Variants in MGMT observed in about 807,000 individuals in gnomAD.
MGMT encodes the protein methylated-DNA--protein-cysteine methyltransferase.
MGMT carries 14 observed loss-of-function variants against 15.9 expected under a neutral mutation model. The observed-to-expected ratio is 0.88, with a 90% CI of 0.58 to 1.37. The LOEUF is 1.37. Ranked by LOEUF, MGMT falls within the 40% of genes most tolerant of loss-of-function variation. The probability of loss-of-function intolerance (pLI) is 0.00; values close to 1 mark genes in which losing one functional copy is unlikely to be tolerated. For synonymous variants in MGMT, 130 were observed against 118.2 expected (o/e 1.10, Z -0.65); for missense variants, 282 against 268.1 (o/e 1.05, Z -0.36).
At chr10:129,704,673 C>T (rs1218383645) in intron 2 of MGMT, among the ~76,000 whole-genome samples, 1 of 152,108 alleles carries the variant, frequency 6.6e-6, no homozygotes, top group Admixed American at 6.6e-5. Context: ...CTGGCTCCTT[C>T]CTTAAAACCG....
chr10:129,541,307 GC>G (rs1200781204), intron 2 of MGMT, among the ~76,000 whole-genome samples: 6 of 152,334 alleles, frequency 3.9e-5, no homozygotes, highest in African/African-American at 1.4e-4. Context: ...TTTCATAACT[GC>G]CTGACAGTAT....
intron 2 of MGMT, among the ~76,000 whole-genome samples, chr10:129,587,915 A>ATAT (rs1261856791): frequency 2.0e-5 from 3 of 152,132 alleles, no homozygotes; most frequent in African/African-American, 7.2e-5. Flanking sequence ...TGGATGCTTT[A>ATAT]TATGCAAATG....
At chr10:129,614,892 G>A (rs1031152030) in intron 2 of MGMT, among the ~76,000 whole-genome samples, 4 of 152,182 alleles carry the variant, frequency 2.6e-5, no homozygotes. Context: ...GGTGCCGAGC[G>A]CTCCCTCGTC....
At chr10:129,596,152 A>G (rs1222289788) in intron 2 of MGMT, among the ~76,000 whole-genome samples, 1 of 150,890 alleles carries the variant, frequency 6.6e-6, no homozygotes, top group South Asian at 2.1e-4. Flanking sequence ...AAATTTTGAC[A>G]TTATGTGAGT....
chr10:129,587,193 T>C (rs1249567643), intron 2 of MGMT, among the ~76,000 whole-genome samples: 1 of 152,018 alleles, frequency 6.6e-6, no homozygotes, highest in African/African-American at 2.4e-5. Context: ...ATCTGGCTCA[T>C]TTTTTGGGTT....
At chr10:129,750,691 C>G (rs988995544) in intron 3 of MGMT, among the ~76,000 whole-genome samples, 8 of 152,144 alleles carry the variant, frequency 5.3e-5, no homozygotes, top group Admixed American at 5.2e-4. Flanking sequence ...CATTTTATAT[C>G]AGGAACTTAA....
chr10:129,757,507 A>G (rs1232345836), intron 3 of MGMT, among the ~76,000 whole-genome samples: 1 of 152,218 alleles, frequency 6.6e-6, no homozygotes, highest in East Asian at 1.9e-4. Context: ...TTCGCCGAGG[A>G]AGGCAGGAAA....
intron 2 of MGMT, among the ~76,000 whole-genome samples, chr10:129,624,316 G>A (rs1459607298): frequency 1.3e-5 from 2 of 152,198 alleles, no homozygotes; most frequent in African/African-American, 4.8e-5. Flanking sequence ...AGCTTTGGGA[G>A]TGGGGCCCAC....
At chr10:129,473,987 C>A (rs1199005865) in intron 1 of MGMT, among the ~76,000 whole-genome samples, 1 of 152,184 alleles carries the variant, frequency 6.6e-6, no homozygotes, top group Non-Finnish European at 1.5e-5. Context: ...TGCCTGATTC[C>A]CTCTGAAACA....
At chr10:129,577,594 C>A (rs1846500082) in intron 2 of MGMT, among the ~76,000 whole-genome samples, 1 of 152,150 alleles carries the variant, frequency 6.6e-6, no homozygotes, top group South Asian at 2.1e-4. Context: ...TAGAAGAAAA[C>A]CTAGGCAATA....
chr10:129,587,235 G>A (rs981871636), intron 2 of MGMT, among the ~76,000 whole-genome samples: 3 of 151,264 alleles, frequency 2.0e-5, no homozygotes, highest in African/African-American at 7.3e-5. Flanking sequence ...CTAGTGCTTG[G>A]GCTTCATTGA....
chr10:129,719,345 G>A (rs1470826382), intron 3 of MGMT, among the ~76,000 whole-genome samples: 1 of 152,262 alleles, frequency 6.6e-6, no homozygotes. Flanking sequence ...CACATGCTGT[G>A]TGGTTGCCTG....
intron 2 of MGMT, 41 bp downstream of exon 2, chr10:129,536,418 G>A: frequency 6.3e-7 from 1 of 1,593,206 alleles, no homozygotes; most frequent in Admixed American, 1.9e-5. Flanking sequence ...CGCACATGCT[G>A]AAGCAACCGA....
rs2308328 is a variant in MGMT at position 129,708,065 on chromosome 10, G to A, written c.274+22G>A. On this transcript the variant is annotated intron_variant, in intron 3 of 4. Transcript: ENST00000651593. ...CAAGGTCGGTAACTAAGCCATCTGC[G>A]GTGTTTCCTTTGGGGAGCTTGACTT... The A allele has an allele frequency of 7.1e-3, 11,323 of 1,601,656 alleles. 64 individuals are homozygous for A. Among genetic ancestry groups the A allele is most frequent in the Middle Eastern group, 8.2e-3 (49 of 5,954 alleles).
At chr10:129,478,561 T>C (rs1845321836) in intron 1 of MGMT, among the ~76,000 whole-genome samples, 1 of 152,364 alleles carries the variant, frequency 6.6e-6, no homozygotes, top group Non-Finnish European at 1.5e-5. Flanking sequence ...GGATTGTAGA[T>C]CTGCAAAATA....
At chr10:129,510,654 A>C (rs1381174609) in intron 1 of MGMT, among the ~76,000 whole-genome samples, 2 of 152,210 alleles carry the variant, frequency 1.3e-5, no homozygotes, top group Non-Finnish European at 2.9e-5. Context: ...TATTGATGAA[A>C]ATAAAAATTC....
At chr10:129,656,346 C>G (rs1589918668) in intron 2 of MGMT, among the ~76,000 whole-genome samples, 1 of 152,192 alleles carries the variant, frequency 6.6e-6, no homozygotes, top group Admixed American at 6.5e-5. Context: ...TGGGAGGGCT[C>G]CTGGTTGGGC....
intron 2 of MGMT, among the ~76,000 whole-genome samples, chr10:129,703,592 T>A (rs143287792): frequency 6.6e-6 from 1 of 152,086 alleles, no homozygotes; most frequent in African/African-American, 2.4e-5. Context: ...CGCCAACCAA[T>A]CCCACATCCC....
chr10:129,698,285 C>G (rs549977234), intron 2 of MGMT, among the ~76,000 whole-genome samples: 1 of 152,270 alleles, frequency 6.6e-6, no homozygotes, highest in African/African-American at 2.4e-5. Flanking sequence ...AGCGGTTGAC[C>G]AGATGCCCCA....
Sources: gnomAD v4.1 joint callset for allele counts (sites outside exome capture counted in the v4.1 genomes callset) on GRCh38, gnomAD v4.1.1 for gene constraint, MANE v1.5 for transcripts, NCBI Gene and HGNC (gene_info 2026-07-23, HGNC 2026-07-21) for gene names.